Variants in NONO observed in about 807,000 individuals in gnomAD.
NONO encodes the protein non-POU domain-containing octamer-binding protein.
NONO carries 6 observed loss-of-function variants against 40.2 expected under a neutral mutation model. That is an observed-to-expected ratio of 0.15 (90% CI 0.08 to 0.29). NONO has a LOEUF of 0.29. Ranked by LOEUF, NONO falls within the 10% of genes least tolerant of loss-of-function variation. The pLI is 1.00. For synonymous variants in NONO, 89 were observed against 123.3 expected (o/e 0.72, Z 1.85); for missense variants, 133 against 397.8 (o/e 0.33, Z 5.66).
At chrX:71,288,555 C>G (rs1342814270) in intron 2 of NONO, among the ~76,000 whole-genome samples, 1 of 112,043 alleles carries the variant, frequency 8.9e-6, no homozygotes, top group Non-Finnish European at 1.9e-5. Context: ...CCACACCCCG[C>G]TAATTTTTGT....
intron 2 of NONO, 114 bp from the exon 3 acceptor site, chrX:71,290,515 C>T: frequency 1.9e-6 from 1 of 535,537 alleles, no homozygotes; most frequent in Non-Finnish European, 3.0e-6. Context: ...AAATTGTTTG[C>T]CTCTGACAAA....
chrX:71,284,035 C>A (rs2031133959), intron 1 of NONO: 2 of 111,902 alleles, frequency 1.8e-5, no homozygotes, highest in South Asian at 7.4e-4. Context: ...GGTGTGGGGT[C>A]TATTATGAGA....
In NONO at chrX:71,297,872, G is replaced by C. The variant is rs750196432; in HGVS notation, c.1065G>C (p.Met355Ile). The C allele has an allele frequency of 2.5e-6, 3 of 1,209,601 alleles. No homozygotes were observed. The South Asian group carries it at 5.3e-5, about 21-fold the overall frequency. The change falls in exon 9 of 12, where the codon ATG becomes ATC. Residue 355 changes from methionine (M) to isoleucine (I), a missense_variant. Met to Ile is a conservative substitution (Grantham distance 10). Transcript: ENST00000276079. ...AGCGCAGGCGCCGTGAAGAAGAGAT[G>C]CGGCGGCAGCAAGAAGAAATGATGC... ...EEERRRREEE[M>I]RRQQEEMMRR... is the part of the protein sequence containing the mutation.
rs2031123448 is a variant in NONO, at chrX:71,283,695, C to G, written c.-93C>G. 1 of 111,366 alleles carries G rather than the reference C, an allele frequency of 9.0e-6. No individual in the cohort carries two copies. The highest frequency in any genetic ancestry group is 1.9e-5 in the Non-Finnish European group (1 of 52,999). 9.2% of individuals were successfully genotyped at this position (111,366 alleles called of 1,213,427 possible). ...GAGAGGCCGTGTAGCGTCGCCGTTACTCCGAGGAGATACCAGTCGGTAGAG... is the reference window on the plus strand; with the variant it reads ...GAGAGGCCGTGTAGCGTCGCCGTTAGTCCGAGGAGATACCAGTCGGTAGAG... On this transcript the variant is annotated 5_prime_UTR_variant, in exon 1 of 12. Transcript: ENST00000276079.
intron 4 of NONO, 62 bp from the exon 5 acceptor site, chrX:71,294,165 T>A: frequency 9.1e-6 from 10 of 1,099,172 alleles, no homozygotes; most frequent in Non-Finnish European, 1.2e-5. Flanking sequence ...CTTTAGACTG[T>A]TGATGGCTGC....
At chrX:71,296,122 A>G (rs1170541183) in intron 5 of NONO, among the ~76,000 whole-genome samples, 1 of 97,031 alleles carries the variant, frequency 1.0e-5, no homozygotes, top group Non-Finnish European at 2.1e-5. Context: ...TCAACCCCAG[A>G]TTTTCTTTTT....
chrX:71,284,169 A>G (rs984276585), intron 1 of NONO: 2 of 112,209 alleles, frequency 1.8e-5, no homozygotes, highest in Admixed American at 1.9e-4. Flanking sequence ...TTCTTTGTCA[A>G]AACTCTTAGC....
intron 11 of NONO, among the ~76,000 whole-genome samples, chrX:71,299,330 T>G (rs1054824192): frequency 8.9e-6 from 1 of 112,683 alleles, no homozygotes; most frequent in Non-Finnish European, 1.9e-5. Flanking sequence ...TAGCAATCTT[T>G]AGGACTGCTG....
At chrX:71,293,542 C>T (rs1336541263) in intron 4 of NONO, among the ~76,000 whole-genome samples, 1 of 108,466 alleles carries the variant, frequency 9.2e-6, no homozygotes, top group Non-Finnish European at 1.9e-5. Context: ...GAGATTGCTC[C>T]ACTGCACTCC....
intron 5 of NONO, among the ~76,000 whole-genome samples, chrX:71,296,052 A>C (rs1219098649): frequency 9.1e-6 from 1 of 110,252 alleles, no homozygotes; most frequent in African/African-American, 3.3e-5. Context: ...TACTGCACCT[A>C]CCTACTTGGA....
intron 7 of NONO, 36 bp downstream of exon 7, chrX:71,297,083 A>G: frequency 9.3e-7 from 1 of 1,072,708 alleles, no homozygotes; most frequent in African/African-American, 1.9e-5. Context: ...AGCTGAAAGG[A>G]CAAAATGACA....
intron 5 of NONO, 150 bp from the exon 6 acceptor site, chrX:71,296,415 C>T (rs915020910): frequency 1.2e-5 from 5 of 430,464 alleles, no homozygotes; most frequent in Non-Finnish European, 2.0e-5. Flanking sequence ...CCCAGCCCAA[C>T]CCCAAATTTT....
intron 4 of NONO, chrX:71,292,613 G>T (rs2031350966): frequency 8.9e-6 from 1 of 111,845 alleles, no homozygotes; most frequent in Non-Finnish European, 1.9e-5. Flanking sequence ...GGTTAATTTT[G>T]TTTTATCTGT....
At chrX:71,288,962 C>CT (rs1326491090) in intron 2 of NONO, among the ~76,000 whole-genome samples, 1 of 112,220 alleles carries the variant, frequency 8.9e-6, no homozygotes, top group Non-Finnish European at 1.9e-5. Flanking sequence ...ACTAGTACCA[C>CT]TGTTATTTCC....
In NONO at chrX:71,291,980, A is replaced by T. The variant is rs1430618710; in HGVS notation, c.348+8A>T. ...TTTGGCTTTATCCGCTTGGTGAGCAACTGTTGGCTTTTGAGGCATGTGCTC... is the reference window on the plus strand; with the variant it reads ...TTTGGCTTTATCCGCTTGGTGAGCATCTGTTGGCTTTTGAGGCATGTGCTC... On this transcript the variant is annotated splice_region_variant and intron_variant, in intron 4 of 11. Coordinates refer to ENST00000276079, the MANE Select transcript of NONO (RefSeq NM_007363.5). 1.8e-6 allele frequency: 2 copies of T among 1,141,522 alleles called. No homozygotes were observed. Among genetic ancestry groups the T allele is most frequent in the Non-Finnish European group, 2.3e-6 (2 of 859,201 alleles). 94.1% of individuals were successfully genotyped at this position (1,141,522 alleles called of 1,213,427 possible).
rs916806661 is a variant in NONO, at chrX:71,300,915, A to G, written c.*839A>G. 6.2e-6 allele frequency: 1 copy of G among 160,263 alleles called. No individual in the cohort carries two copies. Among genetic ancestry groups the G allele is most frequent in the Non-Finnish European group, 1.2e-5 (1 of 82,641 alleles). The allele number at this position is 160,263 out of a possible 1,213,427, so 13.2% of individuals were successfully genotyped here. On this transcript the variant is annotated 3_prime_UTR_variant, in exon 12 of 12. Coordinates refer to ENST00000276079, the MANE Select transcript of NONO (RefSeq NM_007363.5). ...TTTTCTTGGGTGAGGACACCCAGGA[A>G]TGACCCTTTTGTGTCTATGATGTTG... is the stretch of plus-strand genomic sequence containing the variant.
chrX:71,284,754 C>T (rs1260490412), intron 2 of NONO, among the ~76,000 whole-genome samples: 1 of 111,760 alleles, frequency 8.9e-6, no homozygotes, highest in African/African-American at 3.2e-5. Flanking sequence ...ATCCAGGCAG[C>T]CATCTCAGTC....
chrX:71,296,062 A>C (rs1320705238), intron 5 of NONO, among the ~76,000 whole-genome samples: 1 of 110,374 alleles, frequency 9.1e-6, no homozygotes, highest in Non-Finnish European at 1.9e-5. Context: ...ACCTACTTGG[A>C]ATATCTTTTT....
chrX:71,292,893 C>T (rs2031356683), intron 4 of NONO: 1 of 112,547 alleles, frequency 8.9e-6, no homozygotes, highest in African/African-American at 3.2e-5. Flanking sequence ...TTTGAGGTTA[C>T]AGTGAGCTAT....
Sources: gnomAD v4.1 joint callset for allele counts (sites outside exome capture counted in the v4.1 genomes callset) on GRCh38, gnomAD v4.1.1 for gene constraint, MANE v1.5 for transcripts, NCBI Gene and HGNC (gene_info 2026-07-23, HGNC 2026-07-21) for gene names.